CLTB: variants seen among roughly 807,000 people sequenced by gnomAD.
The protein encoded by CLTB is clathrin light chain B.
A neutral mutation model predicts 30.5 loss-of-function variants in CLTB; 10 were observed. The observed-to-expected ratio is 0.33, with a 90% CI of 0.20 to 0.56. CLTB has a LOEUF of 0.56. CLTB is among the 20% of genes least tolerant of loss of function. The pLI, the probability that CLTB is intolerant of heterozygous loss-of-function variation, is 0.91. For synonymous variants in CLTB, 102 were observed against 120.3 expected, an observed-to-expected ratio of 0.85 and a Z score of 1.00; for missense variants, 261 against 308.3, an observed-to-expected ratio of 0.85 and a Z score of 1.15.
chr5:176,415,748 C>A (rs552322411), intron 1 of CLTB, among the ~76,000 whole-genome samples: 1 of 152,260 alleles, frequency 6.6e-6, no homozygotes, highest in African/African-American at 2.4e-5. Context: ...TCCTGGAGCA[C>A]CCAGGATCCT....
Position 176,416,206 on chromosome 5 carries a change from G to A in CLTB, c.158C>T (p.Ala53Val), listed in dbSNP as rs1757682926. Residue 53 changes from alanine (A) to valine (V), a missense_variant, in exon 1 of 6, where the codon GCC becomes GTC. By Grantham distance (64) the Ala-to-Val change is moderately conservative. Transcript: ENST00000310418. ...GFGAPAGSHA[A>V]PAQPGPTSGA... ...ACTCGTGGGGCCCGGCTGCGCGGGG[G>A]CCGCATGGCTGCCGGCAGGTGCCCC... The A allele has an allele frequency of 3.8e-6, 6 of 1,592,972 alleles. No homozygotes were observed. Among genetic ancestry groups the A allele is most frequent in the South Asian group, 3.4e-5 (3 of 89,214 alleles).
At chr5:176,394,708 A>G (rs1009234794) in intron 5 of CLTB, among the ~76,000 whole-genome samples, 13 of 152,038 alleles carry the variant, frequency 8.6e-5, no homozygotes, top group South Asian at 4.2e-4. Flanking sequence ...CCAGCTACTC[A>G]GGAGGCCGAG....
At chr5:176,406,844 G>C in intron 2 of CLTB, 1 of 585,262 alleles carries the variant, frequency 1.7e-6, no homozygotes, top group Non-Finnish European at 2.4e-6. Context: ...TAAAGAGCTG[G>C]GGCTTTCCAC....
intron 2 of CLTB, among the ~76,000 whole-genome samples, chr5:176,407,317 C>A (rs575564635): frequency 6.6e-6 from 1 of 152,248 alleles, no homozygotes; most frequent in Admixed American, 6.5e-5. Flanking sequence ...TAGGTACTTT[C>A]TTTTTTGAGA....
Position 176,406,237 on chromosome 5 carries a change from C to G in CLTB, c.234+4020G>C, listed in dbSNP as rs973165154. On this transcript the variant is annotated intron_variant, in intron 2 of 5. Coordinates refer to ENST00000310418, the MANE Select transcript of CLTB (RefSeq NM_007097.5). Reference sequence around the variant, plus strand: ...GATCACCAGCGGCTAGAGCAATGTTCTGACTCCTCCCAAGCTCTGGAGAGA... The same window carrying G: ...GATCACCAGCGGCTAGAGCAATGTTGTGACTCCTCCCAAGCTCTGGAGAGA... 1.7e-5 allele frequency: 17 copies of G among 1,016,400 alleles called. No homozygotes were observed. In the South Asian group the frequency reaches 3.4e-4, roughly 20 times the overall value. 63.0% of individuals were successfully genotyped at this position (1,016,400 alleles called of 1,614,324 possible). A position where few individuals can be genotyped will look rare whatever the true frequency, so the allele number is the denominator to read the frequency against.
intron 4 of CLTB, among the ~76,000 whole-genome samples, chr5:176,396,802 C>A (rs930847408): frequency 6.6e-6 from 1 of 152,176 alleles, no homozygotes; most frequent in Non-Finnish European, 1.5e-5. Context: ...CCCCACTGCC[C>A]ATGTCACTGC....
chr5:176,408,809 C>G (rs1031035490), intron 2 of CLTB, among the ~76,000 whole-genome samples: 1 of 152,212 alleles, frequency 6.6e-6, no homozygotes, highest in Non-Finnish European at 1.5e-5. Flanking sequence ...CGTAAGCCGC[C>G]GTGCCCGGCT....
In CLTB at chr5:176,416,409, C is replaced by A. The variant is rs577460001; in HGVS notation, c.-46G>T. ...AGCCTCCGCTGCGCTCGGCTCTGCC[C>A]GCGCCTGCCCCGCGCTGCGTCCGGC... On this transcript the variant is annotated 5_prime_UTR_variant, in exon 1 of 6. Coordinates refer to ENST00000310418, the MANE Select transcript of CLTB (RefSeq NM_007097.5). The A allele has an allele frequency of 2.0e-4, 288 of 1,471,526 alleles. No individual in the cohort carries two copies. In the Middle Eastern group the frequency reaches 5.8e-3, roughly 30 times the overall value. 91.2% of individuals were successfully genotyped at this position (1,471,526 alleles called of 1,614,324 possible).
Position 176,410,358 on chromosome 5 carries a change from G to A in CLTB, c.188-55C>T, listed in dbSNP as rs997863641. 1.1e-4 allele frequency: 163 copies of A among 1,530,546 alleles called. 1 individual carries two copies. The highest frequency in any genetic ancestry group is 1.7e-4 in the Middle Eastern group (1 of 5,924). The allele number at this position is 1,530,546 out of a possible 1,614,324, so 94.8% of individuals were successfully genotyped here. On this transcript the variant is annotated intron_variant, in intron 1 of 5. Transcript: ENST00000310418. Reference sequence around the variant, plus strand: ...TCACTGTTTAGCTTATAGCAAGCAGGAAATGGTCCTACATTAGCCCCTCAA... The same window carrying A: ...TCACTGTTTAGCTTATAGCAAGCAGAAAATGGTCCTACATTAGCCCCTCAA...
chr5:176,409,092 T>G (rs1327402440), intron 2 of CLTB, among the ~76,000 whole-genome samples: 6 of 152,140 alleles, frequency 3.9e-5, no homozygotes, highest in African/African-American at 1.2e-4. Context: ...TTCTCCTGCC[T>G]CAGCCTCCCA....
At chr5:176,402,076 G>A (rs1756849291) in intron 2 of CLTB, among the ~76,000 whole-genome samples, 1 of 152,192 alleles carries the variant, frequency 6.6e-6, no homozygotes, top group Admixed American at 6.5e-5. Flanking sequence ...GCTGAGGCAG[G>A]CAGATTGCCT....
At chr5:176,412,630 TG>T (rs1757504091) in intron 1 of CLTB, among the ~76,000 whole-genome samples, 1 of 152,170 alleles carries the variant, frequency 6.6e-6, no homozygotes, top group Non-Finnish European at 1.5e-5. Context: ...GTGTTTGGCC[TG>T]GGGACTCAAG....
intron 2 of CLTB, 133 bp from the exon 3 acceptor site, chr5:176,398,180 T>C (rs1351794083): frequency 4.1e-6 from 3 of 733,256 alleles, no homozygotes; most frequent in Non-Finnish European, 7.0e-6. Flanking sequence ...CTCTGGTGAC[T>C]ACACCTATCT....
chr5:176,394,852 T>A (rs979630053), intron 5 of CLTB, among the ~76,000 whole-genome samples: 1 of 151,574 alleles, frequency 6.6e-6, no homozygotes, highest in African/African-American at 2.4e-5. Context: ...TGGTCTATAC[T>A]CTCTCTTCAG....
intron 1 of CLTB, 150 bp downstream of exon 1, chr5:176,416,027 A>C: frequency 1.4e-6 from 1 of 703,400 alleles, no homozygotes; most frequent in South Asian, 2.1e-5. Flanking sequence ...GAAGTCCTAC[A>C]TGGAGATCTC....
At chr5:176,406,229 G>C in intron 2 of CLTB, 1 of 1,009,070 alleles carries the variant, frequency 9.9e-7, no homozygotes, top group Non-Finnish European at 1.2e-6. Flanking sequence ...AGCGGCTAGA[G>C]CAATGTTCTG....
rs1561794181 is a variant in CLTB at position 176,400,185 on chromosome 5, G to GAGACTCTATCTC, written c.235-2150_235-2139dup. The stretch of plus-strand genomic sequence containing the variant: ...GCACTCCAGCCTGGGCAATAAAAGT[G>GAGACTCTATCTC]AGACTCTATCTCAAAAAAAAAAAGA... On this transcript the variant is annotated intron_variant, in intron 2 of 5. Transcript: ENST00000310418. Among the ~76,000 whole-genome samples the GAGACTCTATCTC allele has an allele frequency of 4.7e-5, 7 of 149,002 alleles. No individual in the cohort carries two copies. In the South Asian group the frequency reaches 1.5e-3, roughly 31 times the overall value.
chr5:176,406,391 G>T (rs1311978122), intron 2 of CLTB: 30 of 1,150,198 alleles, frequency 2.6e-5, no homozygotes, highest in Non-Finnish European at 2.0e-5. Context: ...GAGAACCTCT[G>T]TGGACCCACA....
At chr5:176,407,611 A>G (rs1261851155) in intron 2 of CLTB, 1 of 152,266 alleles carries the variant, frequency 6.6e-6, no homozygotes, top group Admixed American at 6.6e-5. Flanking sequence ...CATGTTCTAC[A>G]TACTTCTGTG....
Sources: gnomAD v4.1 joint callset for allele counts (sites outside exome capture counted in the v4.1 genomes callset) on GRCh38, gnomAD v4.1.1 for gene constraint, MANE v1.5 for transcripts, NCBI Gene and HGNC (gene_info 2026-07-23, HGNC 2026-07-21) for gene names.